The following CWC27 variants were observed in gnomAD, a reference collection of about 807,000 sequenced individuals.
CWC27 encodes CWC27 spliceosome associated cyclophilin, also known as spliceosome-associated protein CWC27 homolog.
In CWC27, 47 loss-of-function variants were observed where a neutral mutation model predicts 63.6. The ratio of observed to expected loss-of-function variants is 0.74; its 90% CI spans 0.58 to 0.94. CWC27 has a LOEUF of 0.94. Among genes scored for constraint, CWC27 ranks in the 40% least tolerant of loss-of-function variants. The probability of loss-of-function intolerance (pLI) is 0.00; values close to 1 mark genes in which losing one functional copy is unlikely to be tolerated. For missense variants in CWC27, 495 were observed against 554.3 expected (o/e 0.89, Z 1.07); for synonymous variants, 175 against 179.8 (o/e 0.97, Z 0.22).
intron 10 of CWC27, among the ~76,000 whole-genome samples, chr5:64,822,414 T>A (rs555643002): frequency 1.2e-3 from 180 of 152,316 alleles, no homozygotes; most frequent in African/African-American, 3.8e-3. Flanking sequence ...ATTTTGAATT[T>A]ATGGATTAGG....
chr5:64,842,384 A>C (rs1283776095), intron 10 of CWC27, among the ~76,000 whole-genome samples: 1 of 143,936 alleles, frequency 6.9e-6, no homozygotes, highest in African/African-American at 2.6e-5. Context: ...GCTCACTACA[A>C]CCTCTGCCTC....
intron 1 of CWC27, among the ~76,000 whole-genome samples, chr5:64,772,363 T>C (rs1743287536): frequency 1.3e-5 from 2 of 152,086 alleles, no homozygotes; most frequent in Non-Finnish European, 2.9e-5. Context: ...CAGTGGCTCA[T>C]GCCTATAATC....
rs1275060151 is a variant in CWC27, at chr5:64,804,456, CCT to C, written c.938+75_938+76del. On this transcript the variant is annotated intron_variant, in intron 10 of 13. Transcript: ENST00000381070. ...TATTTCACTTTAATTCAGATTGAAT[CCT>C]CTCTTCAGCTAATTTTTAAAATACT... is the stretch of plus-strand genomic sequence containing the variant. 4 of 1,371,928 alleles carry C rather than the reference CCT, an allele frequency of 2.9e-6. No homozygotes were observed. In the African/African-American group the frequency reaches 5.9e-5, roughly 20 times the overall value. 85.0% of individuals were successfully genotyped at this position (1,371,928 alleles called of 1,614,324 possible). A position where few individuals can be genotyped will look rare whatever the true frequency, so the allele number is the denominator to read the frequency against.
At chr5:65,012,483 A>T (rs950565952) in intron 13 of CWC27, among the ~76,000 whole-genome samples, 8 of 152,172 alleles carry the variant, frequency 5.3e-5, no homozygotes, top group Non-Finnish European at 1.0e-4. Flanking sequence ...CTCTGCGTTT[A>T]CCACATCGTG....
At chr5:64,853,528 A>G (rs375875898) in intron 10 of CWC27, among the ~76,000 whole-genome samples, 75 of 152,332 alleles carry the variant, frequency 4.9e-4, no homozygotes, top group African/African-American at 1.8e-3. Flanking sequence ...TTATGTTGCT[A>G]TAAAGAAATA....
chr5:64,868,171 C>T (rs1357912387), intron 10 of CWC27, among the ~76,000 whole-genome samples: 1 of 151,918 alleles, frequency 6.6e-6, no homozygotes, highest in Non-Finnish European at 1.5e-5. Flanking sequence ...ATATACCATC[C>T]CCATCTAACC....
chr5:64,951,107 G>A (rs1339191185), intron 11 of CWC27, among the ~76,000 whole-genome samples: 1 of 151,834 alleles, frequency 6.6e-6, no homozygotes, highest in Non-Finnish European at 1.5e-5. Flanking sequence ...ATACCTAACA[G>A]TGTGATTTCT....
At chr5:64,947,880 C>T (rs1170169343) in intron 11 of CWC27, among the ~76,000 whole-genome samples, 1 of 152,052 alleles carries the variant, frequency 6.6e-6, no homozygotes, top group Non-Finnish European at 1.5e-5. Flanking sequence ...GTCAACCACA[C>T]TGAATCACCT....
intron 10 of CWC27, among the ~76,000 whole-genome samples, chr5:64,873,473 T>C (rs1468693415): frequency 6.6e-6 from 1 of 151,956 alleles, no homozygotes; most frequent in Admixed American, 6.6e-5. Flanking sequence ...ATTAAGGTAG[T>C]GTATATCTTC....
At chr5:65,006,492 G>A (rs1452148289) in intron 13 of CWC27, among the ~76,000 whole-genome samples, 1 of 151,978 alleles carries the variant, frequency 6.6e-6, no homozygotes, top group Non-Finnish European at 1.5e-5. Context: ...CCTGGCAATA[G>A]CCTTTATAAA....
At chr5:64,858,542 A>T (rs1055234389) in intron 10 of CWC27, among the ~76,000 whole-genome samples, 1 of 151,882 alleles carries the variant, frequency 6.6e-6, no homozygotes, top group African/African-American at 2.4e-5. Context: ...CATATATTTG[A>T]TAAAAGATTT....
At chr5:64,923,664 A>T (rs751183819) in intron 11 of CWC27, among the ~76,000 whole-genome samples, 1 of 145,928 alleles carries the variant, frequency 6.9e-6, no homozygotes, top group Non-Finnish European at 1.5e-5. Flanking sequence ...AATTTTTTAA[A>T]ATCTGTATTC....
chr5:64,979,131 G>A (rs1420750067), intron 13 of CWC27, among the ~76,000 whole-genome samples: 2 of 152,136 alleles, frequency 1.3e-5, no homozygotes, highest in Non-Finnish European at 2.9e-5. Context: ...TCATTAGAAA[G>A]TTTAAAACGG....
intron 11 of CWC27, among the ~76,000 whole-genome samples, chr5:64,903,364 A>T (rs1156364055): frequency 3.3e-5 from 5 of 152,206 alleles, no homozygotes. Context: ...TAATCAGTTC[A>T]TGTCCTTTGC....
chr5:64,849,713 A>T (rs1746083410), intron 10 of CWC27, among the ~76,000 whole-genome samples: 2 of 151,928 alleles, frequency 1.3e-5, no homozygotes, highest in Non-Finnish European at 2.9e-5. Context: ...TGGGGGGGTG[A>T]TAGGATCATG....
intron 11 of CWC27, among the ~76,000 whole-genome samples, chr5:64,932,250 G>A (rs571411603): frequency 2.6e-4 from 39 of 152,238 alleles, no homozygotes; most frequent in African/African-American, 9.4e-4. Context: ...TGATTCAACA[G>A]ATGTAACAAA....
intron 4 of CWC27, among the ~76,000 whole-genome samples, chr5:64,785,275 CA>C (rs900169601): frequency 6.6e-5 from 10 of 151,824 alleles, no homozygotes; most frequent in Admixed American, 5.2e-4. Flanking sequence ...TGGAAATTTC[CA>C]AAAAACTTAT....
rs868718070 is a variant in CWC27 at position 64,885,518 on chromosome 5, A to G, written c.1014A>G (p.Ala338=). ...CAAAACAAAAAAAAGTAGAAAATGC[A>G]GCAAAACAAGCAGAAAAAAGAAGTG... The part of the protein sequence containing the change: ...LAAKQKKVEN[A]AKQAEKRSEE... The change falls in exon 11 of 14, where the codon GCA becomes GCG. Residue 338 remains alanine (A), a synonymous_variant. Coordinates refer to ENST00000381070, the MANE Select transcript of CWC27 (RefSeq NM_005869.4). The G allele has an allele frequency of 1.9e-6, 3 of 1,603,588 alleles. No homozygotes were observed. In the South Asian group the frequency reaches 3.4e-5, roughly 18 times the overall value.
At chr5:64,774,897 G>A in intron 2 of CWC27, 110 bp downstream of exon 2, 2 of 634,474 alleles carry the variant, frequency 3.2e-6, no homozygotes, top group African/African-American at 1.9e-5. Context: ...ATGAATGACA[G>A]GTGTTGCTAT....
Sources: allele counts gnomAD v4.1 joint callset (sites outside exome capture counted in the v4.1 genomes callset), GRCh38; gene constraint gnomAD v4.1.1; transcripts MANE v1.5; gene names NCBI Gene and HGNC (gene_info 2026-07-23, HGNC 2026-07-21).